ABTB2: variants seen among roughly 807,000 people sequenced by gnomAD.
The protein encoded by ABTB2 is ankyrin repeat and BTB domain containing 2.
Under a neutral mutation model 104.1 loss-of-function variants are expected in ABTB2, and 56 were observed. The observed-to-expected ratio is 0.54, with a 90% CI of 0.43 to 0.67. ABTB2 has a LOEUF of 0.67. ABTB2 is among the 30% of genes least tolerant of loss of function. The pLI is 0.00. For missense variants in ABTB2, 1,279 were observed against 1,407.7 expected, an observed-to-expected ratio of 0.91 and a Z score of 1.46; for synonymous variants, 606 against 608.2, an observed-to-expected ratio of 1.00 and a Z score of 0.05.
chr11:34,179,837 T>C (rs1853003272), intron 3 of ABTB2, among the ~76,000 whole-genome samples: 2 of 152,208 alleles, frequency 1.3e-5, no homozygotes, highest in African/African-American at 4.8e-5. Flanking sequence ...GAATCCAGTG[T>C]ATTCCCAATG....
At chr11:34,279,534 GATCT>G (rs1464005187) in intron 1 of ABTB2, among the ~76,000 whole-genome samples, 5 of 152,216 alleles carry the variant, frequency 3.3e-5, no homozygotes, top group Non-Finnish European at 7.3e-5. Flanking sequence ...TCTGAACTCA[GATCT>G]ATTTGGCGTC....
intron 1 of ABTB2, among the ~76,000 whole-genome samples, chr11:34,254,710 C>T (rs11032580): frequency 0.064 from 8,880 of 139,636 alleles, 342 homozygotes; most frequent in Middle Eastern, 0.11. Flanking sequence ...CTTGCTCTAT[C>T]GCCCAGGCTG....
At chr11:34,294,689 T>C (rs903038422) in intron 1 of ABTB2, among the ~76,000 whole-genome samples, 1 of 151,726 alleles carries the variant, frequency 6.6e-6, no homozygotes, top group Non-Finnish European at 1.5e-5. Context: ...CTGGGCAACA[T>C]AGTGAGCCCT....
chr11:34,195,168 G>A (rs1003051549), intron 3 of ABTB2, among the ~76,000 whole-genome samples: 1 of 150,972 alleles, frequency 6.6e-6, no homozygotes, highest in South Asian at 2.1e-4. Flanking sequence ...CAGCAGCCAG[G>A]GCAACAGGCC....
intron 1 of ABTB2, among the ~76,000 whole-genome samples, chr11:34,238,085 A>T (rs972160158): frequency 3.3e-5 from 5 of 152,178 alleles, no homozygotes; most frequent in Non-Finnish European, 5.9e-5. Context: ...ATTTTAAAAA[A>T]TATTTAAATT....
At chr11:34,255,635 A>G (rs1490994327) in intron 1 of ABTB2, among the ~76,000 whole-genome samples, 1 of 152,138 alleles carries the variant, frequency 6.6e-6, no homozygotes, top group Non-Finnish European at 1.5e-5. Flanking sequence ...CTTGTGTCTC[A>G]GCCTCCCAAG....
In ABTB2 at chr11:34,167,970, G is replaced by A. The variant is rs764089581; in HGVS notation, c.1586C>T (p.Ala529Val). ...DDQGMTPLMY[A>V]CAAGDEAMVQ... ...CATCGCTTCGTCCCCAGCAGCGCAG[G>A]CGTACATCAGTGGCGTCATACCCTG... Residue 529 changes from alanine to valine, a missense_variant, in exon 6 of 17, where the codon GCC becomes GTC. Physicochemically the swap from Ala to Val is moderately conservative, Grantham distance 64 (BLOSUM62 0). Transcript: ENST00000435224. The A allele has an allele frequency of 9.9e-6, 16 of 1,614,070 alleles. No individual in the cohort carries two copies. The highest frequency in any genetic ancestry group is 1.3e-5 in the Non-Finnish European group (15 of 1,180,044).
At position 34,357,963 on chromosome 11, in the gene ABTB2, G is replaced by A. The variant is rs1008777556; in HGVS notation, c.-380C>T. 1.4e-5 allele frequency: 3 copies of A among 208,384 alleles called. No individual in the cohort carries two copies. Among genetic ancestry groups the A allele is most frequent in the Non-Finnish European group, 2.8e-5 (3 of 106,044 alleles). The allele number at this position is 208,384 out of a possible 1,614,324, so 12.9% of individuals were successfully genotyped here. Reference sequence around the variant, plus strand: ...GCGGCGGCGCAGGGCGCAGGGCGCAGCGCGAGTCCGGGACCAGCCGGCGAG... The same window carrying A: ...GCGGCGGCGCAGGGCGCAGGGCGCAACGCGAGTCCGGGACCAGCCGGCGAG... On this transcript the variant is annotated 5_prime_UTR_variant, in exon 1 of 17. Transcript: ENST00000435224.
rs1854988384 is a variant in ABTB2 at position 34,320,656 on chromosome 11, C to T, written c.883+36045G>A. Among the ~76,000 whole-genome samples the T allele has an allele frequency of 2.0e-5, 3 of 152,328 alleles. No homozygotes were observed. The South Asian group carries it at 6.2e-4, about 32-fold the overall frequency. On this transcript the variant is annotated intron_variant, in intron 1 of 16. Transcript: ENST00000435224. Reference sequence around the variant, plus strand: ...TAACCTTCACGAAGGACTTACCCCACAGGCAGGCATATGGGTGTCGTGTGT... The same window carrying T: ...TAACCTTCACGAAGGACTTACCCCATAGGCAGGCATATGGGTGTCGTGTGT...
At chr11:34,325,313 C>G in intron 1 of ABTB2, among the ~76,000 whole-genome samples, 1 of 152,180 alleles carries the variant, frequency 6.6e-6, no homozygotes, top group East Asian at 1.9e-4. Context: ...CTCTCCAAGA[C>G]AGAACCAGTG....
At chr11:34,174,123 A>G (rs1333020345) in intron 3 of ABTB2, among the ~76,000 whole-genome samples, 2 of 152,130 alleles carry the variant, frequency 1.3e-5, no homozygotes, top group Non-Finnish European at 2.9e-5. Context: ...TCACGAGGTC[A>G]GGAGATCGAG....
At chr11:34,297,526 T>G (rs569899507) in intron 1 of ABTB2, among the ~76,000 whole-genome samples, 1 of 152,254 alleles carries the variant, frequency 6.6e-6, no homozygotes, top group Non-Finnish European at 1.5e-5. Context: ...GCGTGGTGAC[T>G]CACACCTGTA....
intron 1 of ABTB2, among the ~76,000 whole-genome samples, chr11:34,328,428 C>T (rs1037918938): frequency 2.6e-5 from 4 of 152,166 alleles, no homozygotes; most frequent in African/African-American, 9.7e-5. Flanking sequence ...GGGCAGGCTG[C>T]CTAACCTCCC....
chr11:34,351,359 C>T lies in ABTB2; in HGVS notation c.883+5342G>A, dbSNP rs1430438510. 2.6e-5 allele frequency among the ~76,000 whole-genome samples: 4 copies of T among 152,326 alleles called. No homozygotes were observed. The East Asian group carries it at 7.7e-4, about 29-fold the overall frequency. On this transcript the variant is annotated intron_variant, in intron 1 of 16. Transcript: ENST00000435224. Reference sequence around the variant, plus strand: ...TTAAGGAAACCTTCAACTCAATCCTCCTGTTGACTTTTCTGTGGCCTGCTG... The same window carrying T: ...TTAAGGAAACCTTCAACTCAATCCTTCTGTTGACTTTTCTGTGGCCTGCTG...
chr11:34,269,488 T>G (rs1854288520), intron 1 of ABTB2, among the ~76,000 whole-genome samples: 1 of 152,226 alleles, frequency 6.6e-6, no homozygotes, highest in African/African-American at 2.4e-5. Flanking sequence ...CTTGGTAAGC[T>G]TTCTCTAAGG....
At chr11:34,296,247 G>T (rs1006249277) in intron 1 of ABTB2, among the ~76,000 whole-genome samples, 2 of 152,082 alleles carry the variant, frequency 1.3e-5, no homozygotes, top group Non-Finnish European at 2.9e-5. Context: ...TTTAACCAGG[G>T]TTAGGATTTT....
intron 2 of ABTB2, among the ~76,000 whole-genome samples, chr11:34,199,049 G>A (rs549244514): frequency 1.3e-5 from 2 of 152,316 alleles, no homozygotes; most frequent in African/African-American, 4.8e-5. Flanking sequence ...GTTCTGTTCC[G>A]TTGTGTCCCA....
intron 1 of ABTB2, among the ~76,000 whole-genome samples, chr11:34,240,930 T>C (rs1853908681): frequency 6.6e-6 from 1 of 152,034 alleles, no homozygotes; most frequent in Non-Finnish European, 1.5e-5. Context: ...TTCTTTTTAA[T>C]TTTTTTTCTC....
chr11:34,247,421 G>A (rs566370253), intron 1 of ABTB2, among the ~76,000 whole-genome samples: 3 of 152,334 alleles, frequency 2.0e-5, no homozygotes, highest in East Asian at 1.9e-4. Flanking sequence ...TAATCAATAA[G>A]TTACATGAGA....
Sources: allele counts gnomAD v4.1 joint callset (sites outside exome capture counted in the v4.1 genomes callset), GRCh38; gene constraint gnomAD v4.1.1; transcripts MANE v1.5; gene names NCBI Gene and HGNC (gene_info 2026-07-23, HGNC 2026-07-21).